Variants in PCBP3 observed in about 807,000 individuals in gnomAD.
PCBP3 encodes poly(rC)-binding protein 3.
PCBP3 carries 25 observed loss-of-function variants against 52.7 expected under a neutral mutation model. The observed-to-expected ratio is 0.47, with a 90% CI of 0.35 to 0.66. PCBP3 has a LOEUF of 0.66. PCBP3 is among the 30% of genes least tolerant of loss of function. PCBP3 has a pLI of 0.01. For synonymous variants in PCBP3, 162 were observed against 183.0 expected (o/e 0.89, Z 0.93); for missense variants, 391 against 490.3 (o/e 0.80, Z 1.91).
chr21:45,662,698 C>T lies in PCBP3; in HGVS notation c.-278-6176C>T, dbSNP rs117885543. ...TCTACAATCATAACCTAGAAAAAAC[C>T]GGGCCATACAGAAATAGGAGCTGAA... On this transcript the variant is annotated intron_variant, in intron 1 of 17. Transcript: ENST00000681687. Among the ~76,000 whole-genome samples the T allele has an allele frequency of 1.9e-3, 291 of 151,808 alleles. 1 individual carries two copies. Among genetic ancestry groups the T allele is most frequent in the Non-Finnish European group, 2.7e-3 (184 of 67,948 alleles).
At chr21:45,855,349 C>T (rs1340206860) in intron 5 of PCBP3, among the ~76,000 whole-genome samples, 1 of 152,198 alleles carries the variant, frequency 6.6e-6, no homozygotes, top group Non-Finnish European at 1.5e-5. Flanking sequence ...CTCCCACACT[C>T]ATCCCCAGCT....
intron 1 of PCBP3, among the ~76,000 whole-genome samples, chr21:45,665,585 C>T (rs1046307933): frequency 1.3e-5 from 2 of 152,102 alleles, no homozygotes; most frequent in African/African-American, 4.8e-5. Context: ...AGTAGAAATC[C>T]TGAACAGACC....
In PCBP3 at chr21:45,885,446, A is replaced by C. The variant is rs556507463; in HGVS notation, c.11-10762A>C. Among the ~76,000 whole-genome samples, 6 of 152,120 alleles carry C rather than the reference A, an allele frequency of 3.9e-5. No individual in the cohort carries two copies. In the South Asian group the frequency reaches 1.2e-3, roughly 31 times the overall value. On this transcript the variant is annotated intron_variant, in intron 5 of 17. Coordinates refer to ENST00000681687, the MANE Select transcript of PCBP3 (RefSeq NM_001384156.1). ...TTTTTACTTTTTGCCAAATTTGGGA[A>C]GTTTTAGCCATTATTTTTTCAAGAG... is the stretch of plus-strand genomic sequence containing the variant.
Position 45,919,846 on chromosome 21 carries a change from C to T in PCBP3, c.717+2217C>T, listed in dbSNP as rs546625682. On this transcript the variant is annotated intron_variant, in intron 13 of 17. Coordinates refer to ENST00000681687, the MANE Select transcript of PCBP3 (RefSeq NM_001384156.1). ...GTGTGTGTGTGTGTGTGCGCGCGCG[C>T]GTGCGCGTCCCCGTGCATGTGTGTG... Among the ~76,000 whole-genome samples the T allele has an allele frequency of 2.1e-3, 312 of 150,832 alleles. 2 individuals are homozygous for T. The highest frequency in any genetic ancestry group is 7.1e-3 in the African/African-American group (285 of 40,344).
At chr21:45,823,381 T>C (rs1458318085) in intron 4 of PCBP3, among the ~76,000 whole-genome samples, 2 of 152,210 alleles carry the variant, frequency 1.3e-5, no homozygotes, top group Non-Finnish European at 2.9e-5. Flanking sequence ...GAAGTCCTGC[T>C]GGGGATTCGG....
intron 7 of PCBP3, 32 bp downstream of exon 7, chr21:45,899,654 G>T: frequency 6.3e-7 from 1 of 1,576,654 alleles, no homozygotes; most frequent in Non-Finnish European, 8.7e-7. Flanking sequence ...GCCTCTCCTG[G>T]GGTCTCTGTA....
intron 5 of PCBP3, among the ~76,000 whole-genome samples, chr21:45,874,505 CTTTTTT>C (rs551716964): frequency 7.5e-6 from 1 of 134,014 alleles, no homozygotes; most frequent in Non-Finnish European, 1.6e-5. Flanking sequence ...TTCTTCTTTT[CTTTTTT>C]TTTTTTTTTT....
chr21:45,785,232 C>A (rs1325207041), intron 4 of PCBP3, among the ~76,000 whole-genome samples: 2 of 151,978 alleles, frequency 1.3e-5, no homozygotes, highest in African/African-American at 4.8e-5. Flanking sequence ...CGGCAGCCAC[C>A]CCGTCTGGGA....
At chr21:45,881,845 T>C (rs935073487) in intron 5 of PCBP3, among the ~76,000 whole-genome samples, 7 of 152,240 alleles carry the variant, frequency 4.6e-5, no homozygotes, top group Non-Finnish European at 7.3e-5. Flanking sequence ...TTACTTGTTA[T>C]AATGTCCTCC....
At chr21:45,714,930 T>C (rs550813348) in intron 2 of PCBP3, among the ~76,000 whole-genome samples, 1 of 152,312 alleles carries the variant, frequency 6.6e-6, no homozygotes, top group South Asian at 2.1e-4. Flanking sequence ...CCCATGGATA[T>C]GGGCCTATGG....
intron 4 of PCBP3, among the ~76,000 whole-genome samples, chr21:45,844,424 G>A (rs1466459708): frequency 1.3e-5 from 2 of 152,072 alleles, no homozygotes; most frequent in Non-Finnish European, 2.9e-5. Context: ...GCAAGGTGAG[G>A]GAGCCCTGGG....
intron 2 of PCBP3, among the ~76,000 whole-genome samples, chr21:45,719,261 G>C (rs2084446773): frequency 6.6e-6 from 1 of 152,138 alleles, no homozygotes; most frequent in Admixed American, 6.5e-5. Flanking sequence ...CGAGTGACTT[G>C]GGGCCGCTCT....
At chr21:45,934,805 G>A (rs2076703520) in intron 15 of PCBP3, among the ~76,000 whole-genome samples, 1 of 152,174 alleles carries the variant, frequency 6.6e-6, no homozygotes, top group Non-Finnish European at 1.5e-5. Flanking sequence ...AACCAGTGGT[G>A]TCTCCTGAGA....
intron 4 of PCBP3, among the ~76,000 whole-genome samples, chr21:45,782,960 T>C (rs2090756356): frequency 6.6e-6 from 1 of 152,234 alleles, no homozygotes; most frequent in South Asian, 2.1e-4. Context: ...GATGCCATTC[T>C]GGCTTTCTCA....
intron 4 of PCBP3, among the ~76,000 whole-genome samples, chr21:45,822,120 C>G (rs184840126): frequency 5.6e-4 from 86 of 152,310 alleles, no homozygotes; most frequent in African/African-American, 2.0e-3. Context: ...CCCATAGCCT[C>G]CGGTATCTCT....
chr21:45,653,685 C>T (rs952576488), intron 1 of PCBP3, among the ~76,000 whole-genome samples: 11 of 151,874 alleles, frequency 7.2e-5, no homozygotes, highest in East Asian at 3.9e-4. Context: ...ATCTGACAGT[C>T]TTTGTCTTTT....
At position 45,724,176 on chromosome 21, in the gene PCBP3, G is replaced by A. The variant is rs775383889; in HGVS notation, c.-199-11216G>A. Among the ~76,000 whole-genome samples, 144 of 152,300 alleles carry A rather than the reference G, an allele frequency of 9.5e-4. 1 individual carries two copies. The highest frequency in any genetic ancestry group is 1.4e-3 in the Non-Finnish European group (96 of 68,024). On this transcript the variant is annotated intron_variant, in intron 2 of 17. Transcript: ENST00000681687. The surrounding 1 kb of genome is among the most constrained non-coding windows in gnomAD (Gnocchi z 5.3). ...TATTTAGGTTTTAGGTAAAAACATA[G>A]CATTTGCTCATTTTCCTTTATTGAG...
At chr21:45,667,623 G>T (rs1177461109) in intron 1 of PCBP3, among the ~76,000 whole-genome samples, 1 of 152,012 alleles carries the variant, frequency 6.6e-6, no homozygotes, top group African/African-American at 2.4e-5. Flanking sequence ...ATTCAAATAT[G>T]TTTAAAATAG....
intron 9 of PCBP3, among the ~76,000 whole-genome samples, chr21:45,908,662 G>C (rs1298401701): frequency 1.3e-5 from 2 of 151,000 alleles, no homozygotes; most frequent in Non-Finnish European, 2.9e-5. Context: ...CTGCCGCGCT[G>C]TCTGCCACGC....
Sources: gnomAD v4.1 joint callset for allele counts (sites outside exome capture counted in the v4.1 genomes callset) on GRCh38, gnomAD v4.1.1 for gene constraint, Gnocchi (gnomAD v3.1) non-coding constraint, MANE v1.5 for transcripts, NCBI Gene and HGNC (gene_info 2026-07-23, HGNC 2026-07-21) for gene names.